Variants in NHSL2 observed in about 807,000 individuals in gnomAD.
NHSL2 encodes the protein NHS-like protein 2.
Under a neutral mutation model 53.4 loss-of-function variants are expected in NHSL2, and 27 were observed. The ratio of observed to expected loss-of-function variants is 0.51; its 90% confidence interval spans 0.37 to 0.70. The LOEUF is 0.70. Ranked by LOEUF, NHSL2 falls within the 30% of genes least tolerant of loss-of-function variation. The pLI, the probability that NHSL2 is intolerant of heterozygous loss-of-function variation, is 0.00. For missense variants in NHSL2, 892 were observed against 980.1 expected (o/e 0.91, Z 1.20); for synonymous variants, 408 against 404.1 (o/e 1.01, Z -0.12).
In NHSL2 at chrX:71,911,220, G is replaced by C. The variant is rs2041599692; in HGVS notation, c.133G>C (p.Gly45Arg). The change falls in exon 1 of 8, where the codon GGC becomes CGC. Residue 45 changes from glycine (G) to arginine (R), a missense_variant. Coordinates refer to ENST00000633930, the MANE Select transcript of NHSL2 (RefSeq NM_001013627.3). ...GCTCCGGCAGCTCGCCGACCTCTGT[G>C]GCCACTCGTTGGCTCTGCTCGAGGA... Reference protein sequence around the residue: ...SLLRQLADLCGHSLALLEDLE... With the variant: ...SLLRQLADLCRHSLALLEDLE... The C allele has an allele frequency of 1.7e-6, 2 of 1,148,174 alleles. No homozygotes were observed. Among genetic ancestry groups the C allele is most frequent in the East Asian group, 6.6e-5 (2 of 30,084 alleles). 94.6% of individuals were successfully genotyped at this position (1,148,174 alleles called of 1,213,427 possible). A position where few individuals can be genotyped will look rare whatever the true frequency, so the allele number is the denominator to read the frequency against.
chrX:72,124,289 A>G (rs947545894), intron 1 of NHSL2, among the ~76,000 whole-genome samples: 2 of 109,994 alleles, frequency 1.8e-5, no homozygotes, highest in African/African-American at 6.6e-5. Context: ...TTCTGCACCT[A>G]CCTTGTGGCA....
intron 1 of NHSL2, among the ~76,000 whole-genome samples, chrX:71,970,806 A>C (rs1186638373): frequency 9.1e-6 from 1 of 110,486 alleles, no homozygotes; most frequent in South Asian, 3.8e-4. Flanking sequence ...TCTCTTGTAA[A>C]GAGTATCACT....
intron 1 of NHSL2, among the ~76,000 whole-genome samples, chrX:72,033,855 T>C (rs1343669774): frequency 8.9e-6 from 1 of 111,774 alleles, no homozygotes; most frequent in Non-Finnish European, 1.9e-5. Flanking sequence ...TTTTATTCCT[T>C]CCTTTCCAAT....
Position 71,937,490 on chromosome X carries a change from C to T in NHSL2, c.280+26123C>T, listed in dbSNP as rs188439246. Among the ~76,000 whole-genome samples the T allele has an allele frequency of 1.4e-3, 162 of 112,120 alleles. 1 individual carries two copies. Among genetic ancestry groups the T allele is most frequent in the Admixed American group, 5.0e-3 (53 of 10,587 alleles). ...GCTGTTTGCATCCAGATAATCATCA[C>T]GTTTGTAGCCAAGTGTTTTTTGCCT... On this transcript the variant is annotated intron_variant, in intron 1 of 7. Transcript: ENST00000633930.
intron 1 of NHSL2, among the ~76,000 whole-genome samples, chrX:72,098,168 A>C (rs1281911325): frequency 1.8e-5 from 2 of 112,527 alleles, no homozygotes; most frequent in African/African-American, 6.5e-5. Flanking sequence ...CAGAGGCAGC[A>C]GTTGAGCAAG....
At chrX:71,960,663 A>G (rs1029118099) in intron 1 of NHSL2, among the ~76,000 whole-genome samples, 1 of 111,981 alleles carries the variant, frequency 8.9e-6, no homozygotes, top group Admixed American at 9.5e-5. Flanking sequence ...TGGTGTTGAC[A>G]CTCTTGTAGA....
At chrX:71,971,450 G>C (rs1403449022) in intron 1 of NHSL2, among the ~76,000 whole-genome samples, 2 of 111,858 alleles carry the variant, frequency 1.8e-5, no homozygotes, top group Non-Finnish European at 1.9e-5. Flanking sequence ...TATTTATAGA[G>C]TTTAAAAAAT....
intron 1 of NHSL2, among the ~76,000 whole-genome samples, chrX:71,948,472 G>C (rs1177785803): frequency 9.0e-6 from 1 of 111,640 alleles, no homozygotes; most frequent in Non-Finnish European, 1.9e-5. Flanking sequence ...TATCATCTAG[G>C]TCTGCAGTTC....
chrX:72,145,077 G>T lies in NHSL2; in HGVS notation c.*1503G>T, dbSNP rs960843361. 2.7e-5 allele frequency: 3 copies of T among 111,954 alleles called. No individual in the cohort carries two copies. The highest frequency in any genetic ancestry group is 9.8e-5 in the African/African-American group (3 of 30,676). The allele number at this position is 111,954 out of a possible 1,213,427, so 9.2% of individuals were successfully genotyped here. ...GTCTACTGTCTTCAAGAGGCAAAAAGAACAGTTGAATGAAATTGTAGCCTG... is the reference window on the plus strand; with the variant it reads ...GTCTACTGTCTTCAAGAGGCAAAAATAACAGTTGAATGAAATTGTAGCCTG... On this transcript the variant is annotated 3_prime_UTR_variant, in exon 8 of 8. Coordinates refer to ENST00000633930, the MANE Select transcript of NHSL2 (RefSeq NM_001013627.3).
intron 1 of NHSL2, among the ~76,000 whole-genome samples, chrX:72,105,948 G>A (rs566666965): frequency 8.0e-5 from 9 of 112,002 alleles, no homozygotes; most frequent in African/African-American, 2.3e-4. Context: ...GGTGGCTCAC[G>A]CCTGTAATCC....
chrX:71,974,968 G>A (rs2041941977), intron 1 of NHSL2, among the ~76,000 whole-genome samples: 1 of 111,863 alleles, frequency 8.9e-6, no homozygotes, highest in Admixed American at 9.4e-5. Context: ...AGAAGTATGG[G>A]ACTCCAAAGA....
intron 1 of NHSL2, among the ~76,000 whole-genome samples, chrX:71,925,234 C>G (rs192162018): frequency 1.8e-5 from 2 of 111,479 alleles, no homozygotes; most frequent in African/African-American, 6.5e-5. Context: ...TAGGATATAC[C>G]AGTGCCAAAT....
chrX:72,032,117 C>T (rs184088006), intron 1 of NHSL2, among the ~76,000 whole-genome samples: 2 of 110,621 alleles, frequency 1.8e-5, no homozygotes, highest in East Asian at 2.8e-4. Context: ...ATAAGCCAGG[C>T]GCGGTGGTTC....
chrX:72,045,821 G>A (rs1000471200), intron 1 of NHSL2, among the ~76,000 whole-genome samples: 2 of 112,136 alleles, frequency 1.8e-5, no homozygotes, highest in Non-Finnish European at 3.8e-5. Flanking sequence ...CCTATGGCCC[G>A]CACAATTTGC....
chrX:71,967,983 A>G (rs1156317889), intron 1 of NHSL2, among the ~76,000 whole-genome samples: 1 of 106,548 alleles, frequency 9.4e-6, no homozygotes, highest in Non-Finnish European at 1.9e-5. Context: ...GTGCATGTTA[A>G]CCGGAAGTCA....
Position 72,145,351 on chromosome X carries a change from C to G in NHSL2, c.*1777C>G, listed in dbSNP as rs967123285. 15 of 112,328 alleles carry G rather than the reference C, an allele frequency of 1.3e-4. No individual in the cohort carries two copies. The highest frequency in any genetic ancestry group is 4.9e-4 in the African/African-American group (15 of 30,881). The allele number at this position is 112,328 out of a possible 1,213,427, so 9.3% of individuals were successfully genotyped here. On this transcript the variant is annotated 3_prime_UTR_variant, in exon 8 of 8. Coordinates refer to ENST00000633930, the MANE Select transcript of NHSL2 (RefSeq NM_001013627.3). ...TCACAAGAGAAGCCCTAGGCCTAGG[C>G]CCTTTGTTGTTATAGTTCTGAATCT...
In NHSL2 at chrX:72,140,575, C is replaced by T. The variant is rs745710347; in HGVS notation, c.3027C>T (p.Ser1009=). ...KIPPPVPKKP[S]VLYLPLTSPT... ...CACCTCCCGTACCAAAAAAACCCAGCGTGCTGTACCTGCCTCTCACTTCTC... is the reference window on the plus strand; with the variant it reads ...CACCTCCCGTACCAAAAAAACCCAGTGTGCTGTACCTGCCTCTCACTTCTC... Residue 1009 remains serine (S), a synonymous_variant, in exon 6 of 8, where the codon AGC becomes AGT. Transcript: ENST00000633930. 3.3e-6 allele frequency: 4 copies of T among 1,211,143 alleles called. No homozygotes were observed. Among genetic ancestry groups the T allele is most frequent in the South Asian group, 3.5e-5 (2 of 56,926 alleles).
At chrX:71,973,060 T>G (rs772210669) in intron 1 of NHSL2, among the ~76,000 whole-genome samples, 116 of 112,440 alleles carry the variant, frequency 1.0e-3, no homozygotes, top group Non-Finnish European at 1.9e-3. Flanking sequence ...TGTGATTTAA[T>G]TTTAAGCCTG....
chrX:71,933,314 G>A (rs760969959), intron 1 of NHSL2, among the ~76,000 whole-genome samples: 1 of 111,166 alleles, frequency 9.0e-6, no homozygotes, highest in South Asian at 3.8e-4. Context: ...AAGCTGAAAT[G>A]CTGAGACATT....
Sources: gnomAD v4.1 joint callset for allele counts (sites outside exome capture counted in the v4.1 genomes callset) on GRCh38, gnomAD v4.1.1 for gene constraint, MANE v1.5 for transcripts, NCBI Gene and HGNC (gene_info 2026-07-23, HGNC 2026-07-21) for gene names.